The following NTPCR variants were observed in gnomAD, a reference collection of about 807,000 sequenced individuals.
NTPCR encodes the protein cancer-related nucleoside-triphosphatase.
A neutral mutation model predicts 19.5 loss-of-function variants in NTPCR; 15 were observed. That is an observed-to-expected ratio of 0.77 (90% CI 0.51 to 1.18). The LOEUF (loss-of-function observed/expected upper bound fraction) is 1.18. Ranked by LOEUF, NTPCR falls within the 50% of genes most tolerant of loss-of-function variation. NTPCR has a pLI of 0.00. For synonymous variants in NTPCR, 90 were observed against 95.8 expected (o/e 0.94, Z 0.36); for missense variants, 206 against 240.4 (o/e 0.86, Z 0.95).
At chr1:232,955,769 A>G (rs766655889) in intron 2 of NTPCR, 50 bp downstream of exon 2, 3 of 1,573,954 alleles carry the variant, frequency 1.9e-6, no homozygotes, top group Non-Finnish European at 2.6e-6. Context: ...CTCCCCTTCC[A>G]TCTGTGCTTT....
At chr1:232,978,111 T>C (rs1669193180) in intron 4 of NTPCR, 52 bp from the exon 5 acceptor site, 6 of 1,471,938 alleles carry the variant, frequency 4.1e-6, no homozygotes, top group Non-Finnish European at 5.7e-6. Context: ...TAGCACAAGA[T>C]TGAAGAAGAG....
intron 3 of NTPCR, chr1:232,968,383 TGCTG>T (rs1355376067): frequency 6.6e-6 from 1 of 152,234 alleles, no homozygotes; most frequent in Non-Finnish European, 1.5e-5. Context: ...TGAAAAACAC[TGCTG>T]TACTGCTTCC....
intron 4 of NTPCR, chr1:232,976,562 GA>G (rs955798319): frequency 2.0e-6 from 3 of 1,485,004 alleles, no homozygotes; most frequent in Admixed American, 5.3e-5. Flanking sequence ...TAACTTAAGT[GA>G]AAACAGCATC....
chr1:232,968,232 A>T (rs1668876279), intron 3 of NTPCR: 1 of 152,204 alleles, frequency 6.6e-6, no homozygotes, highest in African/African-American at 2.4e-5. Flanking sequence ...AGAAACACAG[A>T]AGTGCGGAGA....
chr1:232,978,202 G>T lies in NTPCR; in HGVS notation c.544G>T (p.Val182Leu), dbSNP rs150667258. 2 of 1,614,154 alleles carry T rather than the reference G, an allele frequency of 1.2e-6. No homozygotes were observed. The highest frequency in any genetic ancestry group is 3.3e-5 in the Admixed American group (2 of 60,024). ...ENRNHLLPDIVTCVQSSRK is the reference protein window; with the variant it reads ...ENRNHLLPDILTCVQSSRK ...CAGAAACCACCTTCTGCCAGATATC[G>T]TGACGTGCGTGCAGAGCAGCAGGAA... is the stretch of plus-strand genomic sequence containing the variant. The change falls in exon 5 of 5, where the codon GTG (valine) becomes TTG (leucine). Residue 182 changes from valine to leucine, a missense_variant. Val to Leu is a conservative substitution (Grantham distance 32, BLOSUM62 1). Transcript: ENST00000366628.
intron 1 of NTPCR, 97 bp from the exon 2 acceptor site, chr1:232,955,460 A>C: frequency 1.0e-6 from 1 of 978,080 alleles, no homozygotes; most frequent in Non-Finnish European, 1.4e-6. Context: ...ACCCACCATA[A>C]TTGCTGCCTC....
chr1:232,969,133 C>G (rs116027549), intron 3 of NTPCR: 5,611 of 152,364 alleles, frequency 0.037, 323 homozygotes, highest in African/African-American at 0.13. Flanking sequence ...CCTGGGAGGG[C>G]CCTGCCTCTA....
In NTPCR at chr1:232,950,741, C is replaced by A; in HGVS notation, c.31C>A (p.Pro11Thr). 2.5e-6 allele frequency: 4 copies of A among 1,600,566 alleles called. No homozygotes were observed. The highest frequency in any genetic ancestry group is 3.4e-6 in the Non-Finnish European group (4 of 1,172,844). ...CCGGCACGTGTTCCTAACGGGGCCCCCAGGTAACCCTGAGGGGATCCCCAC... is the reference window on the plus strand; with the variant it reads ...CCGGCACGTGTTCCTAACGGGGCCCACAGGTAACCCTGAGGGGATCCCCAC... MARHVFLTGPPGVGKTTLIHK... is the reference protein window; with the variant it reads MARHVFLTGPTGVGKTTLIHK... The change falls in exon 1 of 5, where the codon CCA (proline) becomes ACA (threonine). Residue 11 changes from proline (P) to threonine (T), a missense_variant. By Grantham distance (38) the Pro-to-Thr change is conservative. Transcript: ENST00000366628.
intron 1 of NTPCR, among the ~76,000 whole-genome samples, chr1:232,955,339 C>T (rs1396997358): frequency 6.6e-6 from 1 of 152,104 alleles, no homozygotes; most frequent in Non-Finnish European, 1.5e-5. Flanking sequence ...AGATATCATT[C>T]GTGTTTTTAT....
At chr1:232,968,082 G>T (rs1668870569) in intron 3 of NTPCR, 1 of 152,228 alleles carries the variant, frequency 6.6e-6, no homozygotes, top group Non-Finnish European at 1.5e-5. Flanking sequence ...TGCTCCTTCA[G>T]CTCCCCACTT....
In NTPCR at chr1:232,950,686, G is replaced by T. The variant is rs751513103; in HGVS notation, c.-25G>T. The T allele has an allele frequency of 2.5e-6, 4 of 1,602,272 alleles. No individual in the cohort carries two copies. The highest frequency in any genetic ancestry group is 2.3e-5 in the East Asian group (1 of 44,434). ...CCCAACCTGGACTGCTCCCCTGACC[G>T]CAACCCCTACCCCCGCCCACCAGTA... On this transcript the variant is annotated 5_prime_UTR_variant, in exon 1 of 5. Transcript: ENST00000366628.
At chr1:232,960,178 C>T (rs1228638370) in intron 3 of NTPCR, among the ~76,000 whole-genome samples, 1 of 122,434 alleles carries the variant, frequency 8.2e-6, no homozygotes, top group South Asian at 2.9e-4. Context: ...GGCACCATTG[C>T]ATTCCAGCCT....
At chr1:232,950,970 T>C in intron 1 of NTPCR, 1 of 490,370 alleles carries the variant, frequency 2.0e-6, no homozygotes, top group Non-Finnish European at 3.6e-6. Flanking sequence ...TGTGAGGGGG[T>C]CCTAGACTGG....
At chr1:232,968,121 C>T (rs1668872061) in intron 3 of NTPCR, 1 of 152,122 alleles carries the variant, frequency 6.6e-6, no homozygotes, top group Non-Finnish European at 1.5e-5. Flanking sequence ...GTGAGTTCCC[C>T]AGGAAGGATG....
At chr1:232,972,517 C>G (rs1173924869) in intron 4 of NTPCR, among the ~76,000 whole-genome samples, 1 of 152,104 alleles carries the variant, frequency 6.6e-6, no homozygotes, top group African/African-American at 2.4e-5. Context: ...TCCTCTGCCT[C>G]CTAGGCTGAA....
intron 3 of NTPCR, chr1:232,962,644 CA>C (rs528361114): frequency 3.8e-4 from 58 of 152,322 alleles, no homozygotes; most frequent in African/African-American, 1.3e-3. Flanking sequence ...GACATCTACT[CA>C]AAGCCCTGTT....
At chr1:232,976,759 A>T in intron 4 of NTPCR, 1 of 494,822 alleles carries the variant, frequency 2.0e-6, no homozygotes, top group Non-Finnish European at 3.4e-6. Context: ...CAGGACCAGT[A>T]GAAATGGGAT....
intron 1 of NTPCR, among the ~76,000 whole-genome samples, chr1:232,954,114 C>A (rs1668448893): frequency 6.6e-6 from 1 of 152,346 alleles, no homozygotes; most frequent in East Asian, 1.9e-4. Flanking sequence ...CTTACACATT[C>A]GGCAATGCCA....
intron 1 of NTPCR, among the ~76,000 whole-genome samples, chr1:232,951,774 C>G (rs1668372037): frequency 6.6e-6 from 1 of 151,740 alleles, no homozygotes; most frequent in African/African-American, 2.4e-5. Context: ...AGTTGGGGAG[C>G]AGGGGGTGAG....
Sources: allele counts gnomAD v4.1 joint callset (sites outside exome capture counted in the v4.1 genomes callset), GRCh38; gene constraint gnomAD v4.1.1; transcripts MANE v1.5; gene names NCBI Gene and HGNC (gene_info 2026-07-23, HGNC 2026-07-21).